The following FANCI variants were observed in gnomAD, a reference collection of about 807,000 sequenced individuals.
FANCI encodes the protein FA complementation group I, also known as Fanconi anemia group I protein.
FANCI carries 156 observed loss-of-function variants against 176.1 expected under a neutral mutation model. The ratio of observed to expected loss-of-function variants is 0.89; its 90% CI spans 0.78 to 1.01. The LOEUF is 1.01. Ranked by LOEUF, FANCI falls within the 50% of genes least tolerant of loss-of-function variation. The pLI is 0.00. For synonymous variants in FANCI, 613 were observed against 541.7 expected, an observed-to-expected ratio of 1.13 and a Z score of -1.83; for missense variants, 1,678 against 1,534.1, an observed-to-expected ratio of 1.09 and a Z score of -1.57.
At chr15:89,282,863 G>C (rs2151575588) in intron 16 of FANCI, 1 of 439,346 alleles carries the variant, frequency 2.3e-6, no homozygotes. Flanking sequence ...TCTCTCAGCA[G>C]TCTTCTTATT....
At chr15:89,282,942 G>C (rs1567158382) in intron 16 of FANCI, 194 bp from the exon 17 acceptor site, 1 of 610,152 alleles carries the variant, frequency 1.6e-6, no homozygotes, top group South Asian at 1.9e-5. Flanking sequence ...AAAAAAGTCA[G>C]TTGAATTTCT....
At chr15:89,278,918 G>A in intron 14 of FANCI, 144 bp downstream of exon 14, 1 of 679,636 alleles carries the variant, frequency 1.5e-6, no homozygotes, top group Non-Finnish European at 2.6e-6. Flanking sequence ...ATCCATTTAT[G>A]TTGTCTGGGA....
intron 2 of FANCI, among the ~76,000 whole-genome samples, chr15:89,252,256 C>A (rs1180749679): frequency 6.6e-6 from 1 of 150,476 alleles, no homozygotes. Context: ...GCCCAGATTG[C>A]ACCATTGCAC....
chr15:89,260,149 A>G (rs1172795687), intron 3 of FANCI, among the ~76,000 whole-genome samples: 2 of 151,982 alleles, frequency 1.3e-5, no homozygotes, highest in Non-Finnish European at 2.9e-5. Flanking sequence ...ATTTATTTTC[A>G]TCACTTTTTC....
At chr15:89,314,848 C>CCT (rs2055152555) in intron 36 of FANCI, 141 bp downstream of exon 36, 1 of 464,450 alleles carries the variant, frequency 2.2e-6, no homozygotes, top group African/African-American at 2.5e-5. Context: ...CCCCCCCCCC[C>CCT]CTTTTTTTTT....
chr15:89,308,275 A>G (rs532826114), intron 34 of FANCI: 90 of 637,808 alleles, frequency 1.4e-4, no homozygotes, highest in Middle Eastern at 8.1e-4. Context: ...TCCACCTACC[A>G]GATGCCAGTA....
intron 24 of FANCI, among the ~76,000 whole-genome samples, chr15:89,296,267 AT>A (rs57019106): frequency 0.95 from 141,752 of 149,028 alleles, 67,445 homozygotes; most frequent in East Asian, 1. Flanking sequence ...CCTGGCCCTT[AT>A]TTTTTTTTTT....
At chr15:89,310,851 A>G (rs952616316) in intron 34 of FANCI, among the ~76,000 whole-genome samples, 1 of 152,348 alleles carries the variant, frequency 6.6e-6, no homozygotes, top group Non-Finnish European at 1.5e-5. Flanking sequence ...AGGGTCGGAC[A>G]TGGTGGCTCA....
chr15:89,287,482 T>G (rs1376544071), intron 18 of FANCI, among the ~76,000 whole-genome samples: 2 of 151,808 alleles, frequency 1.3e-5, no homozygotes, highest in Non-Finnish European at 2.9e-5. Flanking sequence ...TTTCTTCACA[T>G]CAGCAATAAG....
In FANCI at chr15:89,290,247, T is replaced by A. The variant is rs151038616; in HGVS notation, c.1856T>A (p.Leu619Gln). 151 of 1,613,970 alleles carry A rather than the reference T, an allele frequency of 9.4e-5. 1 individual carries two copies. Among genetic ancestry groups the A allele is most frequent in the Non-Finnish European group, 1.7e-5 (20 of 1,179,946 alleles). The change falls in exon 19 of 38, where the codon CTG (leucine) becomes CAG (glutamine). Residue 619 changes from leucine to glutamine, a missense_variant. Leu to Gln is a moderately radical substitution (Grantham distance 113). Transcript: ENST00000310775. The stretch of plus-strand genomic sequence containing the variant: ...GATGTTCTTCGAAGGAACTCTCAGC[T>A]GGCTAATTCAGTCATGCAAACTCTG... ...FYDVLRRNSQ[L>Q]ANSVMQTLLS...
chr15:89,277,457 A>C (rs1294300030), intron 13 of FANCI, among the ~76,000 whole-genome samples: 4 of 151,976 alleles, frequency 2.6e-5, no homozygotes, highest in Admixed American at 2.6e-4. Context: ...CTCTACAAAA[A>C]ACACAAAAAT....
intron 26 of FANCI, 136 bp downstream of exon 26, chr15:89,300,521 A>G: frequency 1.4e-6 from 1 of 723,644 alleles, no homozygotes; most frequent in Admixed American, 2.1e-5. Flanking sequence ...AGGCAACAGG[A>G]CATAGCTCTC....
chr15:89,288,106 A>G (rs910740386), intron 18 of FANCI, among the ~76,000 whole-genome samples: 4 of 152,200 alleles, frequency 2.6e-5, no homozygotes, highest in African/African-American at 7.2e-5. Context: ...GCGAAGTGCA[A>G]TCAAGCAACT....
At chr15:89,283,096 G>A (rs773799641) in intron 16 of FANCI, 40 bp from the exon 17 acceptor site, 32 of 1,607,224 alleles carry the variant, frequency 2.0e-5, no homozygotes, top group Non-Finnish European at 2.6e-5. Context: ...ATATTCCTGT[G>A]AAATAGTACT....
chr15:89,262,270 G>C (rs2052744747), intron 6 of FANCI, among the ~76,000 whole-genome samples: 1 of 151,108 alleles, frequency 6.6e-6, no homozygotes, highest in Non-Finnish European at 1.5e-5. Flanking sequence ...TTTTGAGGGA[G>C]TAGAATATAC....
At chr15:89,296,856 G>A (rs1391001050) in intron 24 of FANCI, among the ~76,000 whole-genome samples, 4 of 149,410 alleles carry the variant, frequency 2.7e-5, no homozygotes, top group South Asian at 2.2e-4. Context: ...CGGGCAGAGG[G>A]GCTCCTCACT....
intron 10 of FANCI, 130 bp downstream of exon 10, chr15:89,268,655 T>C: frequency 8.7e-7 from 1 of 1,152,088 alleles, no homozygotes; most frequent in Non-Finnish European, 1.2e-6. Context: ...GGATCTCTTT[T>C]TTTTTTTTTA....
At chr15:89,273,321 A>G (rs1421044086) in intron 10 of FANCI, 56 bp from the exon 11 acceptor site, 97 of 921,676 alleles carry the variant, frequency 1.1e-4, no homozygotes, top group Non-Finnish European at 1.6e-4. Context: ...AAAAAAAAAA[A>G]AAAAAGAAAA....
intron 9 of FANCI, among the ~76,000 whole-genome samples, chr15:89,267,885 C>A (rs1441769454): frequency 6.6e-6 from 1 of 152,256 alleles, no homozygotes; most frequent in South Asian, 2.1e-4. Flanking sequence ...TATGATCATG[C>A]CATTGCACAC....
Sources: gnomAD v4.1 joint callset for allele counts (sites outside exome capture counted in the v4.1 genomes callset) on GRCh38, gnomAD v4.1.1 for gene constraint, MANE v1.5 for transcripts, NCBI Gene and HGNC (gene_info 2026-07-23, HGNC 2026-07-21) for gene names.